The following FBN1 variants were observed in gnomAD, a reference collection of about 807,000 sequenced individuals.
The protein encoded by FBN1 is fibrillin 1, also known as fibrillin-1.
A neutral mutation model predicts 365.1 loss-of-function variants in FBN1; 29 were observed. The observed-to-expected ratio is 0.08, with a 90% CI of 0.06 to 0.11. The LOEUF (loss-of-function observed/expected upper bound fraction) is 0.11. FBN1 is among the 10% of genes least tolerant of loss of function. FBN1 has a pLI of 1.00. For missense variants in FBN1, 2,476 were observed against 3,703.2 expected, an observed-to-expected ratio of 0.67 and a Z score of 8.60; for synonymous variants, 1,210 against 1,270.5, an observed-to-expected ratio of 0.95 and a Z score of 1.01.
intron 25 of FBN1, among the ~76,000 whole-genome samples, 156 bp downstream of exon 25, chr15:48,489,695 A>G (rs1289542167): frequency 6.6e-6 from 1 of 152,228 alleles, no homozygotes; most frequent in East Asian, 1.9e-4. Flanking sequence ...ACAGTTAAAA[A>G]CAAAAAGTTC....
intron 6 of FBN1, among the ~76,000 whole-genome samples, chr15:48,588,367 C>T (rs2044451978): frequency 6.6e-6 from 1 of 152,054 alleles, no homozygotes; most frequent in African/African-American, 2.4e-5. Flanking sequence ...ATGTGGCTCA[C>T]ATTATATTTC....
intron 7 of FBN1, 103 bp from the exon 8 acceptor site, chr15:48,534,308 A>G (rs965456330): frequency 4.1e-6 from 5 of 1,211,322 alleles, no homozygotes; most frequent in Non-Finnish European, 5.9e-6. Context: ...CCATATTTAT[A>G]TCGGTGAGTT....
In FBN1 at chr15:48,428,475, T is replaced by C. The variant is rs1207038649; in HGVS notation, c.6872-4A>G. ...TTCGTCTGACATTCATTCTCATCTG[T>C]TTGATTTTATTGAAGGACCAAAAAC... On this transcript the variant is annotated splice_region_variant and splice_polypyrimidine_tract_variant and intron_variant, in intron 56 of 65. Coordinates refer to ENST00000316623, the MANE Select transcript of FBN1 (RefSeq NM_000138.5). 7 of 1,613,910 alleles carry C rather than the reference T, an allele frequency of 4.3e-6. No individual in the cohort carries two copies. Among genetic ancestry groups the C allele is most frequent in the Non-Finnish European group, 5.1e-6 (6 of 1,179,954 alleles).
chr15:48,474,209 G>T (rs1330475743), intron 34 of FBN1, 46 bp downstream of exon 34: 1 of 1,613,182 alleles, frequency 6.2e-7, no homozygotes, highest in South Asian at 1.1e-5. Context: ...GGAATGCCTG[G>T]CTTCTCTGAC....
chr15:48,436,711 A>G (rs2043074485), intron 53 of FBN1, among the ~76,000 whole-genome samples: 1 of 152,280 alleles, frequency 6.6e-6, no homozygotes, highest in East Asian at 1.9e-4. Context: ...GTCTGCCTTC[A>G]CCATTAGGCT....
At chr15:48,489,200 A>AT (rs756179079) in intron 25 of FBN1, among the ~76,000 whole-genome samples, 521 of 48,450 alleles carry the variant, frequency 0.011, 33 homozygotes, top group Non-Finnish European at 0.011. Context: ...ATGCCTAGAT[A>AT]TTTTTTTTTT....
At chr15:48,451,446 A>G (rs555475664) in intron 45 of FBN1, among the ~76,000 whole-genome samples, 1 of 152,322 alleles carries the variant, frequency 6.6e-6, no homozygotes, top group Admixed American at 6.5e-5. Context: ...CTTTAAACTC[A>G]ACAAAACAAG....
chr15:48,607,388 T>TA (rs1555405370), intron 4 of FBN1, among the ~76,000 whole-genome samples: 3 of 143,324 alleles, frequency 2.1e-5, no homozygotes, highest in South Asian at 2.2e-4. Flanking sequence ...ATATATATAT[T>TA]ATTGTCTAAA....
chr15:48,623,478 T>C (rs777129216), intron 2 of FBN1, among the ~76,000 whole-genome samples: 3 of 152,158 alleles, frequency 2.0e-5, no homozygotes, highest in African/African-American at 7.2e-5. Context: ...ACAAAATCAA[T>C]GTAGACAAAT....
intron 14 of FBN1, among the ~76,000 whole-genome samples, chr15:48,509,084 T>A (rs977962299): frequency 6.6e-6 from 1 of 152,216 alleles, no homozygotes; most frequent in Non-Finnish European, 1.5e-5. Context: ...GCTCTGAATA[T>A]GAACATAAGT....
In FBN1 at chr15:48,576,183, A is replaced by G. The variant is rs141743192; in HGVS notation, c.538+20100T>C. 1.5e-3 allele frequency among the ~76,000 whole-genome samples: 221 copies of G among 152,030 alleles called. 1 individual carries two copies. Among genetic ancestry groups the G allele is most frequent in the African/African-American group, 5.2e-3 (214 of 41,474 alleles). ...CCTCCAAACTCCATCTGCTCCCATC[A>G]TCTCCCTCCCTTCATGGTGAACTAC... is the stretch of plus-strand genomic sequence containing the variant. On this transcript the variant is annotated intron_variant, in intron 6 of 65. Transcript: ENST00000316623.
chr15:48,440,306 T>G (rs897162057), intron 50 of FBN1, among the ~76,000 whole-genome samples: 1 of 152,176 alleles, frequency 6.6e-6, no homozygotes, highest in Non-Finnish European at 1.5e-5. Flanking sequence ...TGCTCACAGC[T>G]GGGCTGATTC....
At position 48,605,683 on chromosome 15, in the gene FBN1, G is replaced by A; in HGVS notation, c.346+5045C>T. Among the ~76,000 whole-genome samples, 2 of 152,090 alleles carry A rather than the reference G, an allele frequency of 1.3e-5. 1 individual carries two copies. Among genetic ancestry groups the A allele is most frequent in the Admixed American group, 1.3e-4 (2 of 15,274 alleles). ...AGCTCAGGAGTTCAAGACCAGCCTGGGCAGCATGGCAAAACCCTGTCTCTA... is the reference window on the plus strand; with the variant it reads ...AGCTCAGGAGTTCAAGACCAGCCTGAGCAGCATGGCAAAACCCTGTCTCTA... On this transcript the variant is annotated intron_variant, in intron 4 of 65. Coordinates refer to ENST00000316623, the MANE Select transcript of FBN1 (RefSeq NM_000138.5).
intron 60 of FBN1, among the ~76,000 whole-genome samples, chr15:48,423,909 G>T (rs1211680539): frequency 6.6e-6 from 1 of 152,194 alleles, no homozygotes; most frequent in African/African-American, 2.4e-5. Context: ...GCCATAAAGA[G>T]AACTTTATTG....
chr15:48,582,313 T>A (rs747748766), intron 6 of FBN1, among the ~76,000 whole-genome samples: 2 of 152,168 alleles, frequency 1.3e-5, no homozygotes, highest in Non-Finnish European at 2.9e-5. Flanking sequence ...CCGTGTGGAG[T>A]ATAAAATTAC....
chr15:48,552,839 G>A (rs375414609), intron 6 of FBN1, among the ~76,000 whole-genome samples: 1 of 152,162 alleles, frequency 6.6e-6, no homozygotes, highest in South Asian at 2.1e-4. Context: ...CAAAGAGATT[G>A]AGCAAAGTAG....
intron 6 of FBN1, among the ~76,000 whole-genome samples, chr15:48,568,522 G>A (rs2044278882): frequency 6.6e-6 from 1 of 152,106 alleles, no homozygotes; most frequent in Admixed American, 6.5e-5. Flanking sequence ...AAATTTATAT[G>A]GAAATGCAAA....
rs150495914 is a variant in FBN1, at chr15:48,495,866, C to G, written c.2419+234G>C. Among the ~76,000 whole-genome samples, 200 of 152,288 alleles carry G rather than the reference C, an allele frequency of 1.3e-3. 1 individual carries two copies. The Middle Eastern group carries it at 0.027, about 21-fold the overall frequency. ...ATTTCTGAATGAATAGCTCAAATAG[C>G]AGACACATAACATTTTCTTTATCTA... On this transcript the variant is annotated intron_variant, in intron 20 of 65. Transcript: ENST00000316623.
intron 43 of FBN1, among the ~76,000 whole-genome samples, chr15:48,459,853 AC>A (rs1168781855): frequency 6.6e-6 from 1 of 151,692 alleles, no homozygotes; most frequent in Non-Finnish European, 1.5e-5. Flanking sequence ...CTTTATGTAA[AC>A]AATCTACACG....
Sources: gnomAD v4.1 joint callset for allele counts (sites outside exome capture counted in the v4.1 genomes callset) on GRCh38, gnomAD v4.1.1 for gene constraint, MANE v1.5 for transcripts, NCBI Gene and HGNC (gene_info 2026-07-23, HGNC 2026-07-21) for gene names.